CCDC7: variants seen among roughly 807,000 people sequenced by gnomAD.
CCDC7 encodes coiled-coil domain-containing protein 7.
Under a neutral mutation model 196.9 loss-of-function variants are expected in CCDC7, and 183 were observed. That is an observed-to-expected ratio of 0.93 (90% confidence interval 0.82 to 1.05). CCDC7 has a LOEUF of 1.05. Ranked by LOEUF, CCDC7 falls within the 50% of genes least tolerant of loss-of-function variation. CCDC7 has a pLI of 0.00. For missense variants in CCDC7, 1,540 were observed against 1,482.2 expected (o/e 1.04, Z -0.64); for synonymous variants, 525 against 484.6 (o/e 1.08, Z -1.10).
At position 32,694,871 on chromosome 10, in the gene CCDC7, T is replaced by C; in HGVS notation, c.2345-8T>C. The C allele has an allele frequency of 6.4e-7, 1 of 1,564,346 alleles. No homozygotes were observed. Among genetic ancestry groups the C allele is most frequent in the East Asian group, 2.3e-5 (1 of 44,276 alleles). ...CCATTAAGAGACTAAATGCATCTCC[T>C]TATGTAGCTCATGATGAAGAACCAG... On this transcript the variant is annotated splice_region_variant and splice_polypyrimidine_tract_variant and intron_variant, in intron 23 of 41. Coordinates refer to ENST00000639629, the Ensembl canonical transcript of CCDC7.
At chr10:32,795,466 G>A (rs2083404965) in intron 29 of CCDC7, among the ~76,000 whole-genome samples, 1 of 152,054 alleles carries the variant, frequency 6.6e-6, no homozygotes, top group South Asian at 2.1e-4. Context: ...TTTCTGAATT[G>A]CTTTTATTTG....
intron 18 of CCDC7, chr10:32,623,607 T>C: frequency 6.9e-6 from 3 of 432,510 alleles, no homozygotes; most frequent in South Asian, 5.0e-5. Context: ...ATAAATACTA[T>C]TAAGAACTCT....
At chr10:32,836,799 A>G (rs3885812) in intron 33 of CCDC7, among the ~76,000 whole-genome samples, 13,751 of 152,124 alleles carry the variant, frequency 0.09, 885 homozygotes, top group East Asian at 0.33. Flanking sequence ...AGACTTGGCA[A>G]AGACTACAAA....
chr10:32,621,323 CT>C (rs2063385478), intron 18 of CCDC7, among the ~76,000 whole-genome samples: 1 of 152,058 alleles, frequency 6.6e-6, no homozygotes, highest in Non-Finnish European at 1.5e-5. Context: ...TTTTCAAAGA[CT>C]TTTTTGTTAG....
At chr10:32,497,281 CT>C (rs2043061814) in intron 9 of CCDC7, among the ~76,000 whole-genome samples, 1 of 151,924 alleles carries the variant, frequency 6.6e-6, no homozygotes, top group Admixed American at 6.6e-5. Context: ...TCTTTCTCCC[CT>C]TTCTTCTTCA....
Position 32,477,141 on chromosome 10 carries a change from G to A in CCDC7, c.796+3118G>A, listed in dbSNP as rs564566005. Reference sequence around the variant, plus strand: ...CTTCAAACCCAAAGTTACCTAGATAGTCTCTTCTACTGCCTTGTAAAAGTT... The same window carrying A: ...CTTCAAACCCAAAGTTACCTAGATAATCTCTTCTACTGCCTTGTAAAAGTT... On this transcript the variant is annotated intron_variant, in intron 8 of 41. Coordinates refer to ENST00000639629, the Ensembl canonical transcript of CCDC7. Among the ~76,000 whole-genome samples, 9 of 151,880 alleles carry A rather than the reference G, an allele frequency of 5.9e-5. 1 individual carries two copies. In the South Asian group the frequency reaches 1.7e-3, roughly 28 times the overall value.
At chr10:32,511,769 G>T in intron 9 of CCDC7, 1 of 1,483,568 alleles carries the variant, frequency 6.7e-7, no homozygotes, top group Non-Finnish European at 9.4e-7. Context: ...TTCGACTCCA[G>T]CCTCCCGGAA....
intron 9 of CCDC7, among the ~76,000 whole-genome samples, chr10:32,506,722 T>C (rs911494469): frequency 4.1e-5 from 6 of 144,830 alleles, no homozygotes; most frequent in African/African-American, 1.7e-4. Flanking sequence ...AGTGGCGGTG[T>C]GTGCCTGGAA....
chr10:32,701,659 G>T (rs1389850940), intron 24 of CCDC7, among the ~76,000 whole-genome samples: 1 of 152,026 alleles, frequency 6.6e-6, no homozygotes, highest in African/African-American at 2.4e-5. Context: ...GACTTTTTTA[G>T]GTTGGTAGGC....
intron 41 of CCDC7, among the ~76,000 whole-genome samples, chr10:32,870,347 T>C (rs1256951303): frequency 6.6e-6 from 1 of 152,170 alleles, no homozygotes; most frequent in African/African-American, 2.4e-5. Context: ...GGTATTTTAT[T>C]CTCTTTGAAG....
intron 17 of CCDC7, among the ~76,000 whole-genome samples, chr10:32,583,632 T>A (rs952684988): frequency 4.6e-5 from 7 of 152,012 alleles, no homozygotes; most frequent in South Asian, 2.1e-4. Flanking sequence ...ACAAAAAAAA[T>A]TTTTATACAA....
At chr10:32,718,230 T>C (rs1216818901) in intron 25 of CCDC7, among the ~76,000 whole-genome samples, 2 of 152,166 alleles carry the variant, frequency 1.3e-5, no homozygotes, top group African/African-American at 4.8e-5. Flanking sequence ...TGGTTCAACA[T>C]ATGCAAATCA....
intron 28 of CCDC7, among the ~76,000 whole-genome samples, chr10:32,773,864 G>A (rs1479153131): frequency 6.6e-6 from 1 of 152,006 alleles, no homozygotes; most frequent in Admixed American, 6.6e-5. Flanking sequence ...TCTGAGTCTG[G>A]GGAAGACTTA....
intron 20 of CCDC7, 107 bp from the exon 22 acceptor site, chr10:32,663,947 A>G: frequency 2.7e-6 from 1 of 364,858 alleles, no homozygotes; most frequent in Non-Finnish European, 4.8e-6. Flanking sequence ...TATATTTTAC[A>G]TGTATAAAAA....
At position 32,762,736 on chromosome 10, in the gene CCDC7, A is replaced by G. The variant is rs1379921610; in HGVS notation, c.2906-16241A>G. Among the ~76,000 whole-genome samples, 3 of 152,028 alleles carry G rather than the reference A, an allele frequency of 2.0e-5. No homozygotes were observed. In the East Asian group the frequency reaches 5.8e-4, roughly 29 times the overall value. On this transcript the variant is annotated intron_variant, in intron 28 of 41. Transcript: ENST00000639629. ...GCATTTATGTCAATTAATTTTTCAC[A>G]AGAGCATCAAGAAGACACAATGGGA... is the stretch of plus-strand genomic sequence containing the variant.
At chr10:32,527,428 A>G (rs2048850949) in intron 11 of CCDC7, among the ~76,000 whole-genome samples, 1 of 152,164 alleles carries the variant, frequency 6.6e-6, no homozygotes, top group Admixed American at 6.5e-5. Context: ...CTGTGTGTAG[A>G]TAGTTGTTAA....
At chr10:32,657,089 TAGGC>T (rs565755771) in intron 20 of CCDC7, among the ~76,000 whole-genome samples, 33 of 152,382 alleles carry the variant, frequency 2.2e-4, no homozygotes, top group African/African-American at 7.7e-4. Context: ...TCCGTGGCCT[TAGGC>T]AGCTCCACCC....
chr10:32,444,654 A>G (rs1395391533), upstream of CCDC7, among the ~76,000 whole-genome samples: 1 of 152,198 alleles, frequency 6.6e-6, no homozygotes, highest in East Asian at 1.9e-4. Context: ...CCTTTCATTT[A>G]CAACGGTTTT....
chr10:32,557,975 G>C (rs1178318736), intron 13 of CCDC7, among the ~76,000 whole-genome samples: 1 of 152,104 alleles, frequency 6.6e-6, no homozygotes, highest in African/African-American at 2.4e-5. Context: ...TTATAGGTGT[G>C]GGCATGCATT....
Sources: gnomAD v4.1 joint callset for allele counts (sites outside exome capture counted in the v4.1 genomes callset) on GRCh38, gnomAD v4.1.1 for gene constraint, MANE v1.5 for transcripts, NCBI Gene and HGNC (gene_info 2026-07-23, HGNC 2026-07-21) for gene names.